The following TRIM31 variants were observed in gnomAD, a reference collection of about 807,000 sequenced individuals.
TRIM31 encodes the protein E3 ubiquitin-protein ligase TRIM31.
A neutral mutation model predicts 40.6 loss-of-function variants in TRIM31; 31 were observed. The ratio of observed to expected loss-of-function variants is 0.76; its 90% confidence interval spans 0.57 to 1.03. TRIM31 has a LOEUF of 1.03. Among genes scored for constraint, TRIM31 ranks in the 50% least tolerant of loss-of-function variants. TRIM31 has a pLI of 0.00. For synonymous variants in TRIM31, 164 were observed against 193.9 expected, an observed-to-expected ratio of 0.85 and a Z score of 1.28; for missense variants, 455 against 497.5, an observed-to-expected ratio of 0.91 and a Z score of 0.81.
chr6:30,104,534 T>G (rs1768496568), intron 7 of TRIM31, among the ~76,000 whole-genome samples: 2 of 152,222 alleles, frequency 1.3e-5, no homozygotes, highest in South Asian at 4.1e-4. Context: ...AGTTTCTGGC[T>G]TTGGAGAAAG....
chr6:30,104,444 ACCGGTAG>A (rs1342627022), intron 7 of TRIM31, among the ~76,000 whole-genome samples: 2 of 152,104 alleles, frequency 1.3e-5, no homozygotes, highest in African/African-American at 4.8e-5. Context: ...CTTTCTAAAC[ACCGGTAG>A]CTCCTTTTGT....
At chr6:30,107,542 C>G (rs1278475606) in intron 6 of TRIM31, 1 of 6,524 alleles carries the variant, frequency 1.5e-4, no homozygotes, top group Non-Finnish European at 4.7e-4. Context: ...AAATATCTGG[C>G]GAACATCTAA....
At chr6:30,107,189 G>A (rs1005209596) in intron 6 of TRIM31, among the ~76,000 whole-genome samples, 1 of 152,202 alleles carries the variant, frequency 6.6e-6, no homozygotes, top group Non-Finnish European at 1.5e-5. Context: ...ACAAAGCAGA[G>A]CAGTTAGTGG....
At chr6:30,109,832 AG>A (rs1437688235) in intron 4 of TRIM31, among the ~76,000 whole-genome samples, 1 of 152,184 alleles carries the variant, frequency 6.6e-6, no homozygotes, top group Admixed American at 6.5e-5. Context: ...ACTGTACTCC[AG>A]CCTGGGCAAC....
At position 30,112,531 on chromosome 6, in the gene TRIM31, T is replaced by C; in HGVS notation, c.275A>G (p.Glu92Gly). 2 of 1,613,154 alleles carry C rather than the reference T, an allele frequency of 1.2e-6. No homozygotes were observed. The highest frequency in any genetic ancestry group is 1.1e-5 in the South Asian group (1 of 91,092). ...CTCCTGGTGCCTCGGGCATGTAGCCTCTTTCCTTTTGGACTGCACCTCAGA... is the reference window on the plus strand; with the variant it reads ...CTCCTGGTGCCTCGGGCATGTAGCCCCTTTCCTTTTGGACTGCACCTCAGA... Reference protein sequence around the residue: ...QASEVQSKRKEATCPRHQEMF... With the variant: ...QASEVQSKRKGATCPRHQEMF... The change falls in exon 2 of 9, where the codon GAG (glutamate) becomes GGG (glycine). Residue 92 changes from glutamate (E) to glycine (G), a missense_variant. Coordinates refer to ENST00000376734, the MANE Select transcript of TRIM31 (RefSeq NM_007028.5).
rs776299582 is a variant in TRIM31 at position 30,103,656 on chromosome 6, T to C, written c.1158A>G (p.Gln386=). The change falls in exon 9 of 9, where the codon CAA becomes CAG. Residue 386 remains glutamine, a synonymous_variant. Transcript: ENST00000376734. ...TCTTCGTATCCTGAGAGCTCGCTCC[T>C]TGACCAGAAATCTCATCATAAGAGG... is the stretch of plus-strand genomic sequence containing the variant. ...LLASYDEISG[Q]GASSQDTKTF... is the part of the protein sequence containing the mutation. 1.1e-5 allele frequency: 17 copies of C among 1,612,950 alleles called. 1 individual carries two copies. The African/African-American group carries it at 1.9e-4, about 18-fold the overall frequency.
At position 30,103,421 on chromosome 6, in the gene TRIM31, T is replaced by C. The variant is rs1768372572; in HGVS notation, c.*115A>G. 1 of 1,238,100 alleles carries C rather than the reference T, an allele frequency of 8.1e-7. No individual in the cohort carries two copies. Among genetic ancestry groups the C allele is most frequent in the Admixed American group, 2.0e-5 (1 of 49,098 alleles). The allele number at this position is 1,238,100 out of a possible 1,614,324, so 76.7% of individuals were successfully genotyped here. On this transcript the variant is annotated 3_prime_UTR_variant, in exon 9 of 9. Coordinates refer to ENST00000376734, the MANE Select transcript of TRIM31 (RefSeq NM_007028.5). ...CCCGAGCCCTCCCATTCTCCACTCCTTCGACCCAATTCCACTAAGTCAAGA... is the reference window on the plus strand; with the variant it reads ...CCCGAGCCCTCCCATTCTCCACTCCCTCGACCCAATTCCACTAAGTCAAGA...
intron 1 of TRIM31, 24 bp from the exon 2 acceptor site, chr6:30,112,912 A>G (rs2127395937): frequency 8.9e-7 from 1 of 1,120,558 alleles, no homozygotes; most frequent in Non-Finnish European, 1.2e-6. Context: ...AGGGAGTCAG[A>G]GAAAGTGGAG....
chr6:30,112,110 G>A (rs1769391202), intron 2 of TRIM31: 2 of 557,990 alleles, frequency 3.6e-6, no homozygotes, highest in African/African-American at 3.8e-5. Context: ...GTGATTCCTT[G>A]CAGGTTGTAC....
chr6:30,108,242 G>A (rs1768923690), intron 5 of TRIM31, 74 bp from the exon 6 acceptor site: 1 of 1,030,238 alleles, frequency 9.7e-7, no homozygotes, highest in Non-Finnish European at 1.5e-6. Flanking sequence ...TGAGATACGC[G>A]GTTGAGAAAT....
rs1769412551 is a variant in TRIM31, at chr6:30,112,306, C to T, written c.417+83G>A. On this transcript the variant is annotated intron_variant, in intron 2 of 8. Coordinates refer to ENST00000376734, the MANE Select transcript of TRIM31 (RefSeq NM_007028.5). Reference sequence around the variant, plus strand: ...GGGTGGGGGCAATGGGGTGCAAACCCTCAGTGGGAAGGTAGCAGTTTCCAG... The same window carrying T: ...GGGTGGGGGCAATGGGGTGCAAACCTTCAGTGGGAAGGTAGCAGTTTCCAG... 2.7e-6 allele frequency: 4 copies of T among 1,507,552 alleles called. No homozygotes were observed. The South Asian group carries it at 5.2e-5, about 20-fold the overall frequency. The allele number at this position is 1,507,552 out of a possible 1,614,324, so 93.4% of individuals were successfully genotyped here. A position where few individuals can be genotyped will look rare whatever the true frequency, so the allele number is the denominator to read the frequency against.
chr6:30,111,919 G>T, intron 2 of TRIM31, 176 bp from the exon 3 acceptor site: 1 of 626,712 alleles, frequency 1.6e-6, no homozygotes, highest in Non-Finnish European at 2.8e-6. Context: ...GAGAAATCTG[G>T]AGCCTAAGTG....
intron 1 of TRIM31, 23 bp from the exon 2 acceptor site, chr6:30,112,911 G>T (rs1769511024): frequency 9.0e-7 from 1 of 1,117,234 alleles, no homozygotes; most frequent in African/African-American, 1.6e-5. Flanking sequence ...AAGGGAGTCA[G>T]AGAAAGTGGA....
intron 6 of TRIM31, among the ~76,000 whole-genome samples, chr6:30,106,597 GA>G (rs147839000): frequency 0.14 from 20,187 of 148,330 alleles, 1,555 homozygotes; most frequent in South Asian, 0.25. Context: ...AAAAATAAGA[GA>G]AAAAAAAAAG....
chr6:30,110,683 G>C lies in TRIM31; in HGVS notation c.514-5C>G. On this transcript the variant is annotated splice_polypyrimidine_tract_variant and splice_region_variant and intron_variant, in intron 3 of 8. Transcript: ENST00000376734. The stretch of plus-strand genomic sequence containing the variant: ...CTTCTCATGTTCTACCTGGTCCTAA[G>C]AAACAGGGACAGGCAGAGGGTGAGA... 2.5e-6 allele frequency: 4 copies of C among 1,613,964 alleles called. No homozygotes were observed. Among genetic ancestry groups the C allele is most frequent in the Non-Finnish European group, 3.4e-6 (4 of 1,179,864 alleles).
intron 5 of TRIM31, 124 bp from the exon 6 acceptor site, chr6:30,108,292 C>A (rs2023471): frequency 0.46 from 319,610 of 693,354 alleles, 76,313 homozygotes; most frequent in East Asian, 0.67. Flanking sequence ...AGAGCAGTGG[C>A]TCACACCTGT....
chr6:30,110,327 G>T, intron 4 of TRIM31, 121 bp downstream of exon 4: 1 of 839,722 alleles, frequency 1.2e-6, no homozygotes. Flanking sequence ...CTATTGGACA[G>T]CACTGGGCTA....
At chr6:30,109,776 G>C (rs1325432297) in intron 4 of TRIM31, among the ~76,000 whole-genome samples, 1 of 152,002 alleles carries the variant, frequency 6.6e-6, no homozygotes, top group Non-Finnish European at 1.5e-5. Context: ...AGCTACTTGG[G>C]ACTTGGGCCT....
intron 5 of TRIM31, 39 bp from the exon 6 acceptor site, chr6:30,108,207 G>T (rs905652485): frequency 1.7e-5 from 25 of 1,435,994 alleles, no homozygotes; most frequent in Non-Finnish European, 2.5e-5. Flanking sequence ...GAGATCAGGG[G>T]ATGAGGTGTG....
Sources: allele counts gnomAD v4.1 joint callset (sites outside exome capture counted in the v4.1 genomes callset), GRCh38; gene constraint gnomAD v4.1.1; transcripts MANE v1.5; gene names NCBI Gene and HGNC (gene_info 2026-07-23, HGNC 2026-07-21).